The following RAP1GAP variants were observed in gnomAD, a reference collection of about 807,000 sequenced individuals.
The protein encoded by RAP1GAP is RAP1 GTPase activating protein.
RAP1GAP carries 35 observed loss-of-function variants against 87.2 expected under a neutral mutation model. The ratio of observed to expected loss-of-function variants is 0.40; its 90% CI spans 0.31 to 0.53. The LOEUF is 0.53. Ranked by LOEUF, RAP1GAP falls within the 20% of genes least tolerant of loss-of-function variation. RAP1GAP has a pLI of 0.48. For synonymous variants in RAP1GAP, 375 were observed against 363.9 expected, an observed-to-expected ratio of 1.03 and a Z score of -0.35; for missense variants, 734 against 898.9, an observed-to-expected ratio of 0.82 and a Z score of 2.35.
At chr1:21,626,246 G>T in intron 3 of RAP1GAP, 58 bp downstream of exon 3, 3 of 1,403,452 alleles carry the variant, frequency 2.1e-6, no homozygotes, top group Non-Finnish European at 2.0e-6. Context: ...CCAGCCCTGG[G>T]CATGTGTCGG....
chr1:21,615,485 A>C lies in RAP1GAP; in HGVS notation c.292-1396T>G, dbSNP rs2081434648. On this transcript the variant is annotated intron_variant, in intron 7 of 24. Transcript: ENST00000374765. This position sits in a 1 kb window ranked among gnomAD's most constrained non-coding sequence, Gnocchi z 4.5. The stretch of plus-strand genomic sequence containing the variant: ...CAGCTCACTGCAATCTCCACCTCCC[A>C]GGTTCAAGCGATTCTCCTGCCTCAG... 6.6e-6 allele frequency among the ~76,000 whole-genome samples: 1 copy of C among 151,878 alleles called. No individual in the cohort carries two copies. Among genetic ancestry groups the C allele is most frequent in the African/African-American group, 2.4e-5 (1 of 41,306 alleles).
chr1:21,628,110 G>A (rs2092797512), intron 2 of RAP1GAP, among the ~76,000 whole-genome samples: 1 of 152,154 alleles, frequency 6.6e-6, no homozygotes, highest in African/African-American at 2.4e-5. Context: ...TTTGTTGAAT[G>A]ACTGAATGAA....
At chr1:21,653,465 TG>T (rs901382133) in intron 1 of RAP1GAP, among the ~76,000 whole-genome samples, 2 of 152,040 alleles carry the variant, frequency 1.3e-5, no homozygotes, top group South Asian at 2.1e-4. Context: ...TGTAGAGTCC[TG>T]GGGGGAGGAA....
In RAP1GAP at chr1:21,617,943, G is replaced by A. The variant is rs202202306; in HGVS notation, c.96C>T (p.Ser32=). 58 of 1,614,102 alleles carry A rather than the reference G, an allele frequency of 3.6e-5. No homozygotes were observed. The highest frequency in any genetic ancestry group is 2.9e-4 in the East Asian group (13 of 44,882). ...KTEEDYIPYP[S]VHEVLGREGP... is the part of the protein sequence containing the mutation. Reference sequence around the variant, plus strand: ...GGTTCTAGCTGAGTACCTCGTGCACGCTCGGGTATGGAATGTAGTCCTCCT... The same window carrying A: ...GGTTCTAGCTGAGTACCTCGTGCACACTCGGGTATGGAATGTAGTCCTCCT... The change falls in exon 6 of 25, where the codon AGC becomes AGT. Residue 32 remains serine (S), a synonymous_variant. Transcript: ENST00000374765.
At position 21,622,581 on chromosome 1, in the gene RAP1GAP, G is replaced by A. The variant is rs1374201982; in HGVS notation, c.-18-2531C>T. ...GGCTCGCCCCACGGCGGGGCCCGGAGGGGGCGGGGCGCCAGGTACGGGCGG... is the reference window on the plus strand; with the variant it reads ...GGCTCGCCCCACGGCGGGGCCCGGAAGGGGCGGGGCGCCAGGTACGGGCGG... On this transcript the variant is annotated intron_variant, in intron 3 of 24. Transcript: ENST00000374765. This position sits in a 1 kb window ranked among gnomAD's most constrained non-coding sequence, Gnocchi z 5.7. 1.4e-5 allele frequency: 2 copies of A among 146,608 alleles called. No homozygotes were observed. Among genetic ancestry groups the A allele is most frequent in the Non-Finnish European group, 3.0e-5 (2 of 65,996 alleles). 9.1% of individuals were successfully genotyped at this position (146,608 alleles called of 1,614,324 possible).
At chr1:21,643,583 GA>G (rs1246909937) in intron 2 of RAP1GAP, among the ~76,000 whole-genome samples, 4 of 144,554 alleles carry the variant, frequency 2.8e-5, no homozygotes, top group East Asian at 4.0e-4. Flanking sequence ...AAAGAAAAAA[GA>G]AAAAAAGAAA....
chr1:21,646,489 C>G (rs1183279616), intron 2 of RAP1GAP, among the ~76,000 whole-genome samples: 1 of 152,234 alleles, frequency 6.6e-6, no homozygotes, highest in Non-Finnish European at 1.5e-5. Context: ...CTGGCAACAA[C>G]AGGCCAAATT....
Position 21,618,103 on chromosome 1 carries a change from T to C in RAP1GAP, c.67-131A>G, listed in dbSNP as rs911547576. 12 of 1,063,956 alleles carry C rather than the reference T, an allele frequency of 1.1e-5. No homozygotes were observed. In the Middle Eastern group the frequency reaches 1.4e-3, roughly 123 times the overall value. The allele number at this position is 1,063,956 out of a possible 1,614,324, so 65.9% of individuals were successfully genotyped here. A position where few individuals can be genotyped will look rare whatever the true frequency, so the allele number is the denominator to read the frequency against. The stretch of plus-strand genomic sequence containing the variant: ...CCCTGGCCTCATCACCTCTTACAGA[T>C]GGGCAGGGGCTGAGGCAGGCTTAGC... On this transcript the variant is annotated intron_variant, in intron 5 of 24. Coordinates refer to ENST00000374765, the MANE Select transcript of RAP1GAP (RefSeq NM_002885.4).
In RAP1GAP at chr1:21,615,886, G is replaced by C. The variant is rs9426769; in HGVS notation, c.291+1420C>G. 0.41 allele frequency among the ~76,000 whole-genome samples: 62,668 copies of C among 151,910 alleles called. 13,189 individuals carry two copies. Among genetic ancestry groups the C allele is most frequent in the Non-Finnish European group, 0.46 (31,382 of 67,958 alleles). On this transcript the variant is annotated intron_variant, in intron 7 of 24. Transcript: ENST00000374765. This position sits in a 1 kb window ranked among gnomAD's most constrained non-coding sequence, Gnocchi z 4.5. ...AGACCCAGCTGGGAACCTCTGGACAGCAGGTGCCTAGGATGCAGGTCTCGC... is the reference window on the plus strand; with the variant it reads ...AGACCCAGCTGGGAACCTCTGGACACCAGGTGCCTAGGATGCAGGTCTCGC...
At chr1:21,619,131 C>T in intron 4 of RAP1GAP, 59 bp from the exon 5 acceptor site, 1 of 1,523,210 alleles carries the variant, frequency 6.6e-7, no homozygotes, top group South Asian at 1.2e-5. Flanking sequence ...CGCTGCCTCC[C>T]CTCCCCAAGG....
rs1001756852 is a variant in RAP1GAP at position 21,666,640 on chromosome 1, G to A, written c.-149+2614C>T. Among the ~76,000 whole-genome samples, 11 of 152,108 alleles carry A rather than the reference G, an allele frequency of 7.2e-5. 1 individual carries two copies. Among genetic ancestry groups the A allele is most frequent in the Admixed American group, 5.9e-4 (9 of 15,260 alleles). On this transcript the variant is annotated intron_variant, in intron 1 of 24. Transcript: ENST00000374765. The stretch of plus-strand genomic sequence containing the variant: ...AGGGGAGGCTTTGCTGGGGACGGTC[G>A]GGGGCCTCCACTCCCCTCCCCGGGT...
intron 2 of RAP1GAP, among the ~76,000 whole-genome samples, chr1:21,643,431 G>A (rs575356065): frequency 3.0e-4 from 46 of 151,990 alleles, no homozygotes; most frequent in African/African-American, 1.1e-3. Context: ...GGTGGCACAC[G>A]CCTGTAATCC....
rs2097454262 is a variant in RAP1GAP at position 21,668,480 on chromosome 1, G to A, written c.-149+774C>T. 1 of 152,588 alleles carries A rather than the reference G, an allele frequency of 6.6e-6. No homozygotes were observed. Among genetic ancestry groups the A allele is most frequent in the Non-Finnish European group, 1.5e-5 (1 of 68,378 alleles). The allele number at this position is 152,588 out of a possible 1,614,324, so 9.5% of individuals were successfully genotyped here. On this transcript the variant is annotated intron_variant, in intron 1 of 24. Transcript: ENST00000374765. This position sits in a 1 kb window ranked among gnomAD's most constrained non-coding sequence, Gnocchi z 6.2. Reference sequence around the variant, plus strand: ...GACTCCGAGGGCATGCACAGGCTGGGGTCTGTTATGGTAGGGAGGGGGCCG... The same window carrying A: ...GACTCCGAGGGCATGCACAGGCTGGAGTCTGTTATGGTAGGGAGGGGGCCG...
chr1:21,654,156 C>T (rs2096766829), intron 1 of RAP1GAP, among the ~76,000 whole-genome samples: 2 of 152,210 alleles, frequency 1.3e-5, no homozygotes, highest in African/African-American at 4.8e-5. Context: ...TGCAGCAGGA[C>T]AGTCCCTGAC....
chr1:21,623,416 T>G (rs1363637562), intron 3 of RAP1GAP, among the ~76,000 whole-genome samples: 1 of 152,226 alleles, frequency 6.6e-6, no homozygotes, highest in Non-Finnish European at 1.5e-5. Flanking sequence ...TTGCTACCAC[T>G]TCCTCCAGAC....
At chr1:21,621,472 G>A (rs947958457) in intron 3 of RAP1GAP, among the ~76,000 whole-genome samples, 2 of 152,220 alleles carry the variant, frequency 1.3e-5, no homozygotes, top group African/African-American at 4.8e-5. Context: ...TGTGCACACT[G>A]TGAGGCCTGC....
intron 1 of RAP1GAP, chr1:21,651,516 C>T (rs1170107109): frequency 1.5e-6 from 1 of 660,086 alleles, no homozygotes; most frequent in East Asian, 3.2e-5. Context: ...ACAAACACAG[C>T]AATGTCCACC....
At chr1:21,657,306 C>T (rs1451433958) in intron 1 of RAP1GAP, among the ~76,000 whole-genome samples, 2 of 152,242 alleles carry the variant, frequency 1.3e-5, no homozygotes, top group African/African-American at 2.4e-5. Flanking sequence ...ACTCCGGCTG[C>T]GTTAGTACAT....
intron 1 of RAP1GAP, chr1:21,651,456 G>T: frequency 1.7e-6 from 1 of 598,188 alleles, no homozygotes; most frequent in Non-Finnish European, 3.3e-6. Context: ...AGGCGGAGTA[G>T]CCCCGCAGCC....
Sources: gnomAD v4.1 joint callset for allele counts (sites outside exome capture counted in the v4.1 genomes callset) on GRCh38, gnomAD v4.1.1 for gene constraint, Gnocchi (gnomAD v3.1) non-coding constraint, MANE v1.5 for transcripts, NCBI Gene and HGNC (gene_info 2026-07-23, HGNC 2026-07-21) for gene names.